SCN11A: variants seen among roughly 807,000 people sequenced by gnomAD.
SCN11A encodes sodium voltage-gated channel alpha subunit 11.
A neutral mutation model predicts 162.2 loss-of-function variants in SCN11A; 122 were observed. The observed-to-expected ratio is 0.75, with a 90% confidence interval of 0.65 to 0.87. The LOEUF is 0.87. SCN11A is among the 40% of genes least tolerant of loss of function. SCN11A has a pLI of 0.00. For synonymous variants in SCN11A, 758 were observed against 751.5 expected (o/e 1.01, Z -0.14); for missense variants, 2,015 against 2,181.6 (o/e 0.92, Z 1.52).
intron 19 of SCN11A, among the ~76,000 whole-genome samples, chr3:38,886,987 T>C (rs2065411666): frequency 6.6e-6 from 1 of 152,182 alleles, no homozygotes; most frequent in East Asian, 1.9e-4. Context: ...CCTGCATATG[T>C]GTTACCTCTT....
intron 23 of SCN11A, among the ~76,000 whole-genome samples, chr3:38,873,780 G>C (rs1230423791): frequency 6.6e-6 from 1 of 152,194 alleles, no homozygotes; most frequent in East Asian, 1.9e-4. Context: ...CTCTTCAAGT[G>C]AGAAGTCTTC....
intron 7 of SCN11A, among the ~76,000 whole-genome samples, chr3:38,937,042 G>C (rs1400168503): frequency 2.6e-5 from 4 of 152,104 alleles, no homozygotes; most frequent in Admixed American, 1.3e-4. Flanking sequence ...CAATGGAACA[G>C]AACAGAGCCC....
chr3:38,885,119 C>T (rs1259375220), intron 21 of SCN11A, among the ~76,000 whole-genome samples, 169 bp downstream of exon 21: 4 of 152,188 alleles, frequency 2.6e-5, no homozygotes, highest in African/African-American at 9.7e-5. Flanking sequence ...CTGAAATCCC[C>T]TCTGCCTAGA....
rs1008135709 is a variant in SCN11A at position 38,999,329 on chromosome 3, T to TA, written c.-280+33050dup. 1.3e-4 allele frequency among the ~76,000 whole-genome samples: 20 copies of TA among 152,284 alleles called. 1 individual carries two copies. Among genetic ancestry groups the TA allele is most frequent in the African/African-American group, 4.8e-4 (20 of 41,558 alleles). ...GACTCATTTTGGTGTGCTTTTTTTCTAAAAAACAAAATTGTAAGGTGGCAA... is the reference window on the plus strand; with the variant it reads ...GACTCATTTTGGTGTGCTTTTTTTCTAAAAAAACAAAATTGTAAGGTGGCAA... On this transcript the variant is annotated intron_variant, in intron 2 of 29. Transcript: ENST00000302328.
chr3:38,873,135 C>T (rs753217635), intron 23 of SCN11A, among the ~76,000 whole-genome samples: 4 of 152,086 alleles, frequency 2.6e-5, no homozygotes, highest in Admixed American at 2.0e-4. Context: ...GAGGACAATT[C>T]GAGAAGGTAT....
intron 15 of SCN11A, 114 bp downstream of exon 15, chr3:38,905,077 TG>T: frequency 7.6e-7 from 1 of 1,323,530 alleles, no homozygotes; most frequent in Non-Finnish European, 1.1e-6. Context: ...GATGGTACAG[TG>T]GGTTGGTTCC....
intron 11 of SCN11A, among the ~76,000 whole-genome samples, chr3:38,913,900 T>C (rs2065920751): frequency 6.6e-6 from 1 of 152,214 alleles, no homozygotes. Context: ...TGTAGCCCTG[T>C]TGTATATTTT....
chr3:38,932,169 G>GTA (rs148695053), intron 7 of SCN11A, among the ~76,000 whole-genome samples: 8,389 of 152,266 alleles, frequency 0.055, 772 homozygotes, highest in African/African-American at 0.19. Flanking sequence ...AGACAAAGCT[G>GTA]TACCCCTAAG....
chr3:38,961,545 A>C (rs1272074345), intron 2 of SCN11A, among the ~76,000 whole-genome samples: 1 of 152,220 alleles, frequency 6.6e-6, no homozygotes, highest in Non-Finnish European at 1.5e-5. Context: ...GCCTGGTTTC[A>C]CAGTGACTCC....
intron 17 of SCN11A, among the ~76,000 whole-genome samples, chr3:38,899,157 G>A (rs1181053109): frequency 5.3e-5 from 8 of 152,084 alleles, no homozygotes; most frequent in African/African-American, 1.9e-4. Flanking sequence ...CCACCTTGGA[G>A]GTTTTCTAGT....
chr3:38,937,267 T>C (rs1399183639), intron 7 of SCN11A, among the ~76,000 whole-genome samples: 64 of 151,172 alleles, frequency 4.2e-4, no homozygotes, highest in African/African-American at 1.2e-3. Flanking sequence ...ACCATAAAAA[T>C]CCTAGAAGAA....
intron 1 of SCN11A, among the ~76,000 whole-genome samples, chr3:39,036,880 T>C (rs1014171330): frequency 2.0e-5 from 3 of 152,240 alleles, no homozygotes; most frequent in Non-Finnish European, 4.4e-5. Flanking sequence ...AGTGGGAATG[T>C]AAATTAGTAC....
intron 7 of SCN11A, among the ~76,000 whole-genome samples, chr3:38,937,879 G>A (rs978634137): frequency 6.6e-6 from 1 of 152,048 alleles, no homozygotes; most frequent in Non-Finnish European, 1.5e-5. Flanking sequence ...CCCATTACTG[G>A]GTATATACCC....
In SCN11A at chr3:38,867,312, G is replaced by C; in HGVS notation, c.3951+9C>G. 6.2e-7 allele frequency: 1 copy of C among 1,610,830 alleles called. No individual in the cohort carries two copies. The highest frequency in any genetic ancestry group is 8.5e-7 in the Non-Finnish European group (1 of 1,178,530). On this transcript the variant is annotated intron_variant, in intron 27 of 29. Transcript: ENST00000302328. ...AAAATTACCAAATCAAGACAACCCA[G>C]ATACTTATCTTTTTCTGCTGTTGGT...
At chr3:39,024,823 T>C (rs767044461) in intron 2 of SCN11A, among the ~76,000 whole-genome samples, 19 of 152,212 alleles carry the variant, frequency 1.2e-4, no homozygotes, top group Non-Finnish European at 2.2e-4. Context: ...CATTAGATCA[T>C]ACCCTTTCTG....
At position 38,926,838 on chromosome 3, in the gene SCN11A, T is replaced by C. The variant is rs1575301201; in HGVS notation, c.582A>G (p.Pro194=). The C allele has an allele frequency of 6.2e-6, 10 of 1,613,908 alleles. No homozygotes were observed. The highest frequency in any genetic ancestry group is 1.7e-4 in the Middle Eastern group (1 of 6,060). ...ILDEFSFLRD[P]WNWLDSIVIG... ...TGACAATGGAGTCCAGCCAGTTCCA[T>C]GGATCTCGAAGGAAAGAAAACTCAT... Residue 194 remains proline, a synonymous_variant, in exon 8 of 30, where the codon CCA becomes CCG. Transcript: ENST00000302328.
chr3:38,926,705 A>T, intron 8 of SCN11A, 98 bp downstream of exon 8: 1 of 1,243,762 alleles, frequency 8.0e-7, no homozygotes, highest in Non-Finnish European at 1.1e-6. Context: ...ACTAGGCCAT[A>T]CTCAGCCACT....
At chr3:38,930,010 CTAATT>C (rs2066216178) in intron 7 of SCN11A, among the ~76,000 whole-genome samples, 1 of 152,248 alleles carries the variant, frequency 6.6e-6, no homozygotes, top group East Asian at 1.9e-4. Context: ...AGATAATTCT[CTAATT>C]TATTTCCCTT....
In SCN11A at chr3:39,031,331, G is replaced by C. The variant is rs1487356514; in HGVS notation, c.-280+1049C>G. 2.6e-5 allele frequency among the ~76,000 whole-genome samples: 4 copies of C among 152,212 alleles called. No individual in the cohort carries two copies. In the East Asian group the frequency reaches 5.8e-4, roughly 22 times the overall value. On this transcript the variant is annotated intron_variant, in intron 2 of 29. Transcript: ENST00000302328. The stretch of plus-strand genomic sequence containing the variant: ...ACTTGAGGTCAGAAGTTGGAGACCA[G>C]CCTGGCCAACACGGTGAAACCCCAT...
Sources: allele counts gnomAD v4.1 joint callset (sites outside exome capture counted in the v4.1 genomes callset), GRCh38; gene constraint gnomAD v4.1.1; transcripts MANE v1.5; gene names NCBI Gene and HGNC (gene_info 2026-07-23, HGNC 2026-07-21).